The following CTNND2 variants were observed in gnomAD, a reference collection of about 807,000 sequenced individuals.
The protein encoded by CTNND2 is catenin delta 2.
A neutral mutation model predicts 144.4 loss-of-function variants in CTNND2; 22 were observed. The ratio of observed to expected loss-of-function variants is 0.15; its 90% CI spans 0.11 to 0.22. The LOEUF (loss-of-function observed/expected upper bound fraction) is 0.22. Ranked by LOEUF, CTNND2 falls within the 10% of genes least tolerant of loss-of-function variation. The pLI is 1.00. For synonymous variants in CTNND2, 751 were observed against 695.6 expected, an observed-to-expected ratio of 1.08 and a Z score of -1.25; for missense variants, 1,353 against 1,618.8, an observed-to-expected ratio of 0.84 and a Z score of 2.82.
intron 1 of CTNND2, among the ~76,000 whole-genome samples, chr5:11,778,420 C>G (rs917108405): frequency 6.6e-6 from 1 of 152,170 alleles, no homozygotes; most frequent in Non-Finnish European, 1.5e-5. Context: ...ATCAGCCACT[C>G]CAACCAGGTG....
At chr5:11,458,952 T>C (rs1365466840) in intron 3 of CTNND2, among the ~76,000 whole-genome samples, 1 of 151,000 alleles carries the variant, frequency 6.6e-6, no homozygotes, top group Non-Finnish European at 1.5e-5. Flanking sequence ...TTTTTTTTGG[T>C]AGAGATGGCA....
chr5:11,866,683 A>G (rs1369546871), intron 1 of CTNND2, among the ~76,000 whole-genome samples: 12 of 152,238 alleles, frequency 7.9e-5, no homozygotes, highest in Non-Finnish European at 1.6e-4. Flanking sequence ...TTTTTCCTAC[A>G]AACAGAAAAG....
intron 2 of CTNND2, among the ~76,000 whole-genome samples, chr5:11,631,721 A>G (rs905533256): frequency 1.1e-4 from 17 of 152,138 alleles, no homozygotes; most frequent in Non-Finnish European, 2.2e-4. Flanking sequence ...CCCAGGCCCT[A>G]TGTATGGTGG....
Position 11,849,263 on chromosome 5 carries a change from A to G in CTNND2, c.37+54554T>C, listed in dbSNP as rs540300438. 1.0e-3 allele frequency among the ~76,000 whole-genome samples: 157 copies of G among 152,260 alleles called. 2 individuals are homozygous for G. The highest frequency in any genetic ancestry group is 2.1e-3 in the East Asian group (11 of 5,172). ...AGACTTACTACCATGAGAACAGTATAGGGGAAACTGCCCCCATGATTCAAT... is the reference window on the plus strand; with the variant it reads ...AGACTTACTACCATGAGAACAGTATGGGGGAAACTGCCCCCATGATTCAAT... On this transcript the variant is annotated intron_variant, in intron 1 of 21. Coordinates refer to ENST00000304623, the MANE Select transcript of CTNND2 (RefSeq NM_001332.4).
intron 21 of CTNND2, among the ~76,000 whole-genome samples, chr5:10,974,413 A>G (rs1259922128): frequency 6.6e-6 from 1 of 152,238 alleles, no homozygotes; most frequent in Non-Finnish European, 1.5e-5. Context: ...AAAATAGTCC[A>G]TGGTATGCAT....
rs111822911 is a variant in CTNND2, at chr5:11,478,119, C to T, written c.288-66050G>A. ...CTACTAATACTAGACTCTCACTCTA[C>T]ACTTCTTCTCTCATATATATGCATG... On this transcript the variant is annotated intron_variant, in intron 3 of 21. Transcript: ENST00000304623. 5.1e-3 allele frequency among the ~76,000 whole-genome samples: 771 copies of T among 152,300 alleles called. 9 individuals carry two copies. Among genetic ancestry groups the T allele is most frequent in the African/African-American group, 0.017 (725 of 41,570 alleles).
chr5:11,543,276 G>A (rs990649648), intron 3 of CTNND2, among the ~76,000 whole-genome samples: 2 of 152,160 alleles, frequency 1.3e-5, no homozygotes, highest in Admixed American at 1.3e-4. Flanking sequence ...GAAAGGTTAT[G>A]GCAGTGTCCT....
intron 3 of CTNND2, among the ~76,000 whole-genome samples, chr5:11,483,595 G>C (rs1021896087): frequency 6.6e-6 from 1 of 152,168 alleles, no homozygotes; most frequent in South Asian, 2.1e-4. Context: ...TACACTGGCC[G>C]CCAATCTCTT....
At chr5:11,872,848 T>C (rs1025737721) in intron 1 of CTNND2, among the ~76,000 whole-genome samples, 11 of 152,208 alleles carry the variant, frequency 7.2e-5, no homozygotes, top group Non-Finnish European at 1.6e-4. Flanking sequence ...TATACAAAAA[T>C]TAAGACAGAT....
intron 9 of CTNND2, among the ~76,000 whole-genome samples, chr5:11,251,886 T>A (rs553421977): frequency 6.6e-6 from 1 of 152,356 alleles, no homozygotes; most frequent in East Asian, 1.9e-4. Flanking sequence ...TGTTTTGAAA[T>A]GTATCGTTTT....
chr5:11,816,243 C>G (rs955508744), intron 1 of CTNND2, among the ~76,000 whole-genome samples: 2 of 152,080 alleles, frequency 1.3e-5, no homozygotes, highest in African/African-American at 2.4e-5. Context: ...TGAGATCGGT[C>G]AGTGAGTATA....
chr5:11,617,589 T>G (rs1293748159), intron 2 of CTNND2, among the ~76,000 whole-genome samples: 1 of 152,208 alleles, frequency 6.6e-6, no homozygotes, highest in Non-Finnish European at 1.5e-5. Context: ...CAGAAGCACA[T>G]TCATACAAAA....
intron 10 of CTNND2, among the ~76,000 whole-genome samples, chr5:11,222,341 C>G (rs26475): frequency 0.76 from 116,253 of 152,162 alleles, 44,625 homozygotes; most frequent in East Asian, 0.88. Context: ...GACCCAGTTT[C>G]AGAGACTGCT....
chr5:11,714,405 T>C (rs1732993578), intron 2 of CTNND2, among the ~76,000 whole-genome samples: 1 of 152,184 alleles, frequency 6.6e-6, no homozygotes, highest in Non-Finnish European at 1.5e-5. Context: ...TTACAGAGCA[T>C]TACACTGGTT....
At chr5:11,233,072 T>C (rs1358091702) in intron 10 of CTNND2, among the ~76,000 whole-genome samples, 1 of 152,136 alleles carries the variant, frequency 6.6e-6, no homozygotes, top group Non-Finnish European at 1.5e-5. Flanking sequence ...TCCCCAGCCA[T>C]GCAGAACCGT....
intron 9 of CTNND2, among the ~76,000 whole-genome samples, chr5:11,237,322 T>C (rs535319680): frequency 7.3e-4 from 111 of 152,162 alleles, no homozygotes; most frequent in African/African-American, 2.6e-3. Context: ...CCCAGCCTAG[T>C]AAATAGTTTT....
At chr5:11,175,772 G>GTAGA (rs1760424893) in intron 11 of CTNND2, among the ~76,000 whole-genome samples, 1 of 151,810 alleles carries the variant, frequency 6.6e-6, no homozygotes, top group Non-Finnish European at 1.5e-5. Context: ...GGATCGCTGG[G>GTAGA]TAGAGTCTAC....
intron 12 of CTNND2, among the ~76,000 whole-genome samples, chr5:11,144,761 T>C (rs1411594324): frequency 6.6e-6 from 1 of 152,062 alleles, no homozygotes; most frequent in African/African-American, 2.4e-5. Flanking sequence ...AGGAGACAAA[T>C]GTTGTTTTAC....
chr5:11,062,990 C>G (rs1008735900), intron 16 of CTNND2, among the ~76,000 whole-genome samples: 1 of 152,144 alleles, frequency 6.6e-6, no homozygotes, highest in African/African-American at 2.4e-5. Flanking sequence ...TTCAACGGGG[C>G]AGTTTCCAGT....
Sources: allele counts gnomAD v4.1 joint callset (sites outside exome capture counted in the v4.1 genomes callset), GRCh38; gene constraint gnomAD v4.1.1; transcripts MANE v1.5; gene names NCBI Gene and HGNC (gene_info 2026-07-23, HGNC 2026-07-21).